Variants in NCKAP5 observed in about 807,000 individuals in gnomAD.
The protein encoded by NCKAP5 is NCK associated protein 5, also known as nck-associated protein 5.
NCKAP5 carries 92 observed loss-of-function variants against 167.0 expected under a neutral mutation model. That is an observed-to-expected ratio of 0.55 (90% CI 0.47 to 0.66). NCKAP5 has a LOEUF of 0.66. Ranked by LOEUF, NCKAP5 falls within the 30% of genes least tolerant of loss-of-function variation. The pLI is 0.00. For synonymous variants in NCKAP5, 891 were observed against 877.4 expected, an observed-to-expected ratio of 1.02 and a Z score of -0.27; for missense variants, 2,378 against 2,315.0, an observed-to-expected ratio of 1.03 and a Z score of -0.56.
At position 133,418,765 on chromosome 2, in the gene NCKAP5, T is replaced by C. The variant is rs150444001; in HGVS notation, c.69+98693A>G. On this transcript the variant is annotated intron_variant, in intron 3 of 19. Transcript: ENST00000409261. Reference sequence around the variant, plus strand: ...CCATGAAATCTTCAAATAACAGAACTAGAAAACTCCATTGCCGTTAGTGTT... The same window carrying C: ...CCATGAAATCTTCAAATAACAGAACCAGAAAACTCCATTGCCGTTAGTGTT... 5.5e-3 allele frequency among the ~76,000 whole-genome samples: 837 copies of C among 152,296 alleles called. 12 individuals carry two copies. The highest frequency in any genetic ancestry group is 0.019 in the African/African-American group (781 of 41,556).
chr2:133,373,226 T>C (rs569519406), intron 3 of NCKAP5, among the ~76,000 whole-genome samples: 36 of 152,186 alleles, frequency 2.4e-4, no homozygotes, highest in African/African-American at 8.7e-4. Flanking sequence ...GCCTGGCTAA[T>C]TTTTGTATTT....
intron 5 of NCKAP5, among the ~76,000 whole-genome samples, chr2:133,213,017 G>A (rs139968148): frequency 6.6e-6 from 1 of 152,194 alleles, no homozygotes; most frequent in Non-Finnish European, 1.5e-5. Flanking sequence ...CATAAGTGGA[G>A]GAAAAAATAA....
At chr2:133,596,592 C>A in the NCKAP5 span, among the ~76,000 whole-genome samples, 2 of 152,098 alleles carry the variant, frequency 1.3e-5, no homozygotes, top group Admixed American at 1.3e-4. Flanking sequence ...TCGAGGATAA[C>A]CCCGAGGTCG....
intron 18 of NCKAP5, among the ~76,000 whole-genome samples, chr2:132,726,470 G>A (rs1173432184): frequency 1.3e-5 from 2 of 152,168 alleles, no homozygotes; most frequent in Non-Finnish European, 2.9e-5. Context: ...TCCCCTCTGT[G>A]CACATAAGCA....
the NCKAP5 span, among the ~76,000 whole-genome samples, chr2:133,643,650 T>C: frequency 1.3e-5 from 2 of 152,190 alleles, no homozygotes; most frequent in South Asian, 4.1e-4. Flanking sequence ...ACAATCCATT[T>C]TCCATTTAAC....
chr2:133,476,020 A>T (rs1679852555), intron 3 of NCKAP5, among the ~76,000 whole-genome samples: 2 of 151,886 alleles, frequency 1.3e-5, no homozygotes, highest in South Asian at 4.1e-4. Flanking sequence ...GACAAAGAAG[A>T]AGTCAAACCA....
At chr2:133,169,980 A>G (rs1015618431) in intron 5 of NCKAP5, among the ~76,000 whole-genome samples, 3 of 152,192 alleles carry the variant, frequency 2.0e-5, no homozygotes, top group Non-Finnish European at 4.4e-5. Flanking sequence ...AACTTACAAT[A>G]CAAAGAGCCT....
chr2:132,884,504 A>C (rs1692057332), intron 8 of NCKAP5, among the ~76,000 whole-genome samples: 1 of 151,900 alleles, frequency 6.6e-6, no homozygotes, highest in South Asian at 2.1e-4. Context: ...AACTTTTAGC[A>C]AGTCACTTAC....
chr2:132,779,180 C>G (rs895437021), intron 15 of NCKAP5, among the ~76,000 whole-genome samples: 2 of 152,058 alleles, frequency 1.3e-5, no homozygotes, highest in African/African-American at 4.8e-5. Flanking sequence ...ACCAAAGGAC[C>G]CTGTGAAAGA....
rs1278425819 is a variant in NCKAP5 at position 132,783,625 on chromosome 2, T to C, written c.3186A>G (p.Gly1062=). The part of the protein sequence containing the change: ...QTLGTPQRDI[G]LQTPRISPST... ...AAGGAGAGATCCTGGGAGTCTGTAA[T>C]CCTATGTCCCTTTGTGGGGTCCCAA... Residue 1062 remains glycine (G), a synonymous_variant, in exon 14 of 20, where the codon GGA becomes GGG. Transcript: ENST00000409261. 6.2e-7 allele frequency: 1 copy of C among 1,613,932 alleles called. No homozygotes were observed.
chr2:133,500,413 A>T (rs1245443920), intron 3 of NCKAP5, among the ~76,000 whole-genome samples: 5 of 152,128 alleles, frequency 3.3e-5, no homozygotes, highest in African/African-American at 1.2e-4. Context: ...CTCCAATAAC[A>T]CGTGTCTTTC....
At chr2:133,520,347 C>T (rs1229722332) in intron 2 of NCKAP5, among the ~76,000 whole-genome samples, 2 of 152,172 alleles carry the variant, frequency 1.3e-5, no homozygotes, top group Admixed American at 6.5e-5. Context: ...ATGCTAAACA[C>T]AAAGGTTAAT....
intron 11 of NCKAP5, among the ~76,000 whole-genome samples, chr2:132,843,062 G>A (rs995504453): frequency 4.6e-5 from 7 of 152,002 alleles, no homozygotes; most frequent in Non-Finnish European, 1.0e-4. Flanking sequence ...TCAGATAGTT[G>A]GCCTGTATAA....
the NCKAP5 span, among the ~76,000 whole-genome samples, chr2:133,669,276 T>C: frequency 1.3e-5 from 2 of 152,196 alleles, no homozygotes. Flanking sequence ...CCTCAGATTG[T>C]TGCAAGCCTT....
chr2:133,107,124 G>A (rs759377108), intron 6 of NCKAP5, among the ~76,000 whole-genome samples: 7 of 152,062 alleles, frequency 4.6e-5, no homozygotes, highest in East Asian at 3.9e-4. Flanking sequence ...TCATCTAAAC[G>A]CTCTTCTGCC....
rs770149330 is a variant in NCKAP5 at position 132,781,249 on chromosome 2, C to A, written c.4872-20G>T. ...TCAACTCTGCAGGTAGAAAGTGATTCCTCTGATAAGTTACCTTGCTCCTTC... is the reference window on the plus strand; with the variant it reads ...TCAACTCTGCAGGTAGAAAGTGATTACTCTGATAAGTTACCTTGCTCCTTC... On this transcript the variant is annotated intron_variant, in intron 14 of 19. Coordinates refer to ENST00000409261, the MANE Select transcript of NCKAP5 (RefSeq NM_207363.3). 1.2e-6 allele frequency: 2 copies of A among 1,606,108 alleles called. No homozygotes were observed. The highest frequency in any genetic ancestry group is 3.4e-5 in the Admixed American group (2 of 58,764).
chr2:133,532,981 T>C (rs1166935692), intron 2 of NCKAP5, among the ~76,000 whole-genome samples: 1 of 152,220 alleles, frequency 6.6e-6, no homozygotes, highest in Admixed American at 6.5e-5. Context: ...TCAACTTGAT[T>C]CTCTTACATA....
chr2:132,784,165 C>T lies in NCKAP5; in HGVS notation c.2646G>A (p.Arg882=). The change falls in exon 14 of 20, where the codon AGG becomes AGA. Residue 882 remains arginine (R), a synonymous_variant. Transcript: ENST00000409261. The part of the protein sequence containing the change: ...LPHSSRMPSR[R]DWVQCPKSQT... ...GACTCTTGGGGCACTGGACCCAGTC[C>T]CTCCTGCTGGGCATCCTGGAGCTGT... is the stretch of plus-strand genomic sequence containing the variant. 1 of 1,534,288 alleles carries T rather than the reference C, an allele frequency of 6.5e-7. No homozygotes were observed. The highest frequency in any genetic ancestry group is 8.7e-7 in the Non-Finnish European group (1 of 1,143,394).
chr2:132,708,336 C>T (rs1325023801), intron 19 of NCKAP5, among the ~76,000 whole-genome samples: 4 of 152,120 alleles, frequency 2.6e-5, no homozygotes, highest in Middle Eastern at 3.4e-3. Context: ...CAACTGCGCT[C>T]GAGTCCTAGC....
Sources: gnomAD v4.1 joint callset for allele counts (sites outside exome capture counted in the v4.1 genomes callset) on GRCh38, gnomAD v4.1.1 for gene constraint, MANE v1.5 for transcripts, NCBI Gene and HGNC (gene_info 2026-07-23, HGNC 2026-07-21) for gene names.